The following CERT1 variants were observed in gnomAD, a reference collection of about 807,000 sequenced individuals.
The protein encoded by CERT1 is ceramide transporter 1, also known as ceramide transfer protein.
Under a neutral mutation model 87.9 loss-of-function variants are expected in CERT1, and 31 were observed. The observed-to-expected ratio is 0.35, with a 90% confidence interval of 0.27 to 0.48. The LOEUF is 0.48. Among genes scored for constraint, CERT1 ranks in the 20% least tolerant of loss-of-function variants. The pLI is 0.99. For missense variants in CERT1, 487 were observed against 758.0 expected (o/e 0.64, Z 4.20); for synonymous variants, 289 against 250.9 (o/e 1.15, Z -1.44).
chr5:75,440,408 T>C (rs1764271863), intron 3 of CERT1, among the ~76,000 whole-genome samples: 1 of 152,072 alleles, frequency 6.6e-6, no homozygotes, highest in Non-Finnish European at 1.5e-5. Context: ...AATCAGAACA[T>C]TTGCAAAAAT....
chr5:75,462,760 G>A (rs918436167), intron 2 of CERT1, among the ~76,000 whole-genome samples: 7 of 151,984 alleles, frequency 4.6e-5, no homozygotes, highest in African/African-American at 1.7e-4. Context: ...TTTGGGAGGC[G>A]AGGTGGGTGG....
At chr5:75,476,097 ATC>A (rs1765939530) in intron 2 of CERT1, among the ~76,000 whole-genome samples, 2 of 152,218 alleles carry the variant, frequency 1.3e-5, no homozygotes, top group Non-Finnish European at 1.5e-5. Context: ...TCTCTAAAAC[ATC>A]TGTCTCTATC....
At chr5:75,508,459 T>C (rs866937498) in intron 1 of CERT1, among the ~76,000 whole-genome samples, 1 of 152,204 alleles carries the variant, frequency 6.6e-6, no homozygotes, top group Non-Finnish European at 1.5e-5. Context: ...TTAGTTCTTA[T>C]AAGAGACTGA....
intron 8 of CERT1, among the ~76,000 whole-genome samples, chr5:75,407,910 A>C (rs1422804682): frequency 1.3e-5 from 2 of 151,380 alleles, no homozygotes; most frequent in African/African-American, 2.4e-5. Flanking sequence ...TAAAAAAAAA[A>C]AACATAAAAT....
chr5:75,478,909 TAAAAAAA>T (rs11438163), intron 2 of CERT1, among the ~76,000 whole-genome samples: 6 of 21,748 alleles, frequency 2.8e-4, no homozygotes, highest in African/African-American at 1.0e-3. Context: ...AAGTAAGTAC[TAAAAAAA>T]AAAAAAAAAA....
At chr5:75,384,326 G>A (rs2070611494) in intron 14 of CERT1, among the ~76,000 whole-genome samples, 1 of 152,152 alleles carries the variant, frequency 6.6e-6, no homozygotes, top group Admixed American at 6.5e-5. Context: ...TTGAGCTCAG[G>A]AGTTTGAGAC....
intron 2 of CERT1, among the ~76,000 whole-genome samples, chr5:75,502,291 A>G (rs1767411317): frequency 6.6e-6 from 1 of 152,180 alleles, no homozygotes; most frequent in East Asian, 1.9e-4. Context: ...ACATTTGCCA[A>G]ACCCAACTTC....
At chr5:75,401,713 A>G in intron 9 of CERT1, 1 of 152,198 alleles carries the variant, frequency 6.6e-6, no homozygotes, top group East Asian at 1.9e-4. Context: ...GTAATTTTTA[A>G]AAAAATAACG....
intron 1 of CERT1, among the ~76,000 whole-genome samples, chr5:75,510,817 T>C (rs1392268927): frequency 2.0e-5 from 3 of 152,098 alleles, no homozygotes; most frequent in African/African-American, 7.2e-5. Flanking sequence ...CCCGGATTCC[T>C]TACACCCGGG....
At chr5:75,498,687 C>T (rs1403545954) in intron 2 of CERT1, among the ~76,000 whole-genome samples, 1 of 152,222 alleles carries the variant, frequency 6.6e-6, no homozygotes, top group Admixed American at 6.5e-5. Flanking sequence ...ACCTGGATGT[C>T]CAGGCATTAG....
At chr5:75,502,337 C>T (rs1353123092) in intron 2 of CERT1, among the ~76,000 whole-genome samples, 1 of 152,116 alleles carries the variant, frequency 6.6e-6, no homozygotes, top group Non-Finnish European at 1.5e-5. Context: ...CAGAGGCACT[C>T]ATTCACTACT....
At chr5:75,425,185 A>G (rs1172837582) in intron 5 of CERT1, 176 bp downstream of exon 5, 2 of 562,832 alleles carry the variant, frequency 3.6e-6, no homozygotes, top group Non-Finnish European at 6.3e-6. Flanking sequence ...AAAATGAATT[A>G]GTATGTGTAA....
intron 3 of CERT1, among the ~76,000 whole-genome samples, chr5:75,456,389 C>A (rs7722356): frequency 2.0e-5 from 3 of 152,144 alleles, no homozygotes; most frequent in Middle Eastern, 3.4e-3. Context: ...GAAAGGGTGG[C>A]TGGCTGCAGA....
chr5:75,454,881 C>A (rs1764913617), intron 3 of CERT1, among the ~76,000 whole-genome samples: 1 of 152,072 alleles, frequency 6.6e-6, no homozygotes, highest in Admixed American at 6.6e-5. Context: ...CAATAAAGAA[C>A]CATTTCTTGA....
At chr5:75,448,472 G>A (rs1353052566) in intron 3 of CERT1, among the ~76,000 whole-genome samples, 3 of 152,156 alleles carry the variant, frequency 2.0e-5, no homozygotes, top group African/African-American at 4.8e-5. Flanking sequence ...CAGACAAGCT[G>A]AGAATATGTA....
chr5:75,379,702 C>G (rs1213672968), intron 16 of CERT1, among the ~76,000 whole-genome samples: 1 of 152,162 alleles, frequency 6.6e-6, no homozygotes, highest in African/African-American at 2.4e-5. Flanking sequence ...TCTCCTGCCT[C>G]AGCCTCCGGA....
At chr5:75,415,768 T>G (rs1230755621) in intron 7 of CERT1, among the ~76,000 whole-genome samples, 1 of 151,496 alleles carries the variant, frequency 6.6e-6, no homozygotes, top group Non-Finnish European at 1.5e-5. Context: ...AATACATTGT[T>G]TTTTTTTTGT....
intron 2 of CERT1, among the ~76,000 whole-genome samples, chr5:75,478,240 T>G (rs6891949): frequency 0.3 from 45,944 of 151,492 alleles, 7,585 homozygotes; most frequent in African/African-American, 0.44. Context: ...CTTGAACCCT[T>G]AGGGCGGAGG....
intron 17 of CERT1, chr5:75,368,937 G>C (rs1191557180): frequency 6.6e-6 from 1 of 151,520 alleles, no homozygotes; most frequent in African/African-American, 2.4e-5. Flanking sequence ...TTTGGAGACA[G>C]AGTCTTGCTG....
Sources: allele counts gnomAD v4.1 joint callset (sites outside exome capture counted in the v4.1 genomes callset), GRCh38; gene constraint gnomAD v4.1.1; transcripts MANE v1.5; gene names NCBI Gene and HGNC (gene_info 2026-07-23, HGNC 2026-07-21).